UHRF1: variants seen among roughly 807,000 people sequenced by gnomAD.
UHRF1 encodes E3 ubiquitin-protein ligase UHRF1.
In UHRF1, 9 loss-of-function variants were observed where a neutral mutation model predicts 96.5. The observed-to-expected ratio is 0.09, with a 90% CI of 0.06 to 0.16. The LOEUF (loss-of-function observed/expected upper bound fraction) is 0.16, where lower values mean the gene tolerates loss of function less well. Among genes scored for constraint, UHRF1 ranks in the 10% least tolerant of loss-of-function variants. UHRF1 has a pLI of 1.00. For synonymous variants in UHRF1, 455 were observed against 469.9 expected (o/e 0.97, Z 0.41); for missense variants, 626 against 1,131.1 (o/e 0.55, Z 6.40).
At chr19:4,931,348 C>T (rs2033046644) in intron 4 of UHRF1, among the ~76,000 whole-genome samples, 1 of 152,264 alleles carries the variant, frequency 6.6e-6, no homozygotes, top group South Asian at 2.1e-4. Context: ...GGTTGACTTG[C>T]TCACTGCAAC....
intron 2 of UHRF1, 105 bp from the exon 3 acceptor site, chr19:4,929,117 C>CA (rs1357677552): frequency 2.3e-5 from 33 of 1,454,354 alleles, no homozygotes; most frequent in Non-Finnish European, 2.9e-5. Flanking sequence ...AGATTGCCCC[C>CA]CCCCCACAAG....
chr19:4,926,415 GA>G, intron 2 of UHRF1, among the ~76,000 whole-genome samples: 1 of 152,374 alleles, frequency 6.6e-6, no homozygotes, highest in Middle Eastern at 3.4e-3. Context: ...TTCTAGCTGG[GA>G]GAACAGAGGG....
In UHRF1 at chr19:4,954,463, G is replaced by C; in HGVS notation, c.1932G>C (p.Lys644Asn). 3 of 1,610,540 alleles carry C rather than the reference G, an allele frequency of 1.9e-6. No individual in the cohort carries two copies. The highest frequency in any genetic ancestry group is 2.5e-6 in the Non-Finnish European group (3 of 1,177,282). Residue 644 changes from lysine (K) to asparagine (N), a missense_variant, in exon 14 of 17, where the codon AAG (lysine) becomes AAC (asparagine). Lys to Asn is a moderately conservative substitution (Grantham distance 94). Around this residue, in one of 11 missense-constraint regions of UHRF1, gnomAD observed 90 missense variants for 94.7 expected, o/e 0.95. Coordinates refer to ENST00000650932, the MANE Select transcript of UHRF1 (RefSeq NM_001048201.3). The surrounding 1 kb of genome is among the most constrained non-coding windows in gnomAD (Gnocchi z 5.9). ...GCTTCGCGTCCCCCAGGACGGGCAA[G>C]GGCAAGTGGAAGCGGAAGTCGGCAG... ...EGGFASPRTGKGKWKRKSAGG... is the reference protein window; with the variant it reads ...EGGFASPRTGNGKWKRKSAGG...
chr19:4,948,685 C>T (rs2033636952), intron 11 of UHRF1, among the ~76,000 whole-genome samples: 1 of 151,926 alleles, frequency 6.6e-6, no homozygotes, highest in African/African-American at 2.4e-5. Flanking sequence ...ACCTGTAATC[C>T]CAGCTACTTG....
intron 2 of UHRF1, among the ~76,000 whole-genome samples, chr19:4,928,660 G>A (rs1431958368): frequency 1.3e-5 from 2 of 152,186 alleles, no homozygotes; most frequent in Non-Finnish European, 2.9e-5. Flanking sequence ...TGTGCCTCTT[G>A]CTGTTCAGGT....
At chr19:4,944,592 C>A in intron 9 of UHRF1, 142 bp downstream of exon 9, 2 of 883,628 alleles carry the variant, frequency 2.3e-6, no homozygotes, top group Non-Finnish European at 3.5e-6. Context: ...TGTGGAAAGC[C>A]TGCAGGTTTG....
intron 5 of UHRF1, among the ~76,000 whole-genome samples, chr19:4,938,505 G>A (rs2033281382): frequency 1.3e-5 from 2 of 151,820 alleles, no homozygotes; most frequent in South Asian, 4.2e-4. Flanking sequence ...TATTTGTACA[G>A]CAAGAATAAG....
chr19:4,927,583 G>A (rs2032914554), intron 2 of UHRF1, among the ~76,000 whole-genome samples: 1 of 152,018 alleles, frequency 6.6e-6, no homozygotes. Flanking sequence ...GACATTCTAT[G>A]TATGTCTCTC....
intron 13 of UHRF1, among the ~76,000 whole-genome samples, chr19:4,953,159 T>C (rs923387256): frequency 1.3e-5 from 2 of 152,172 alleles, no homozygotes; most frequent in Non-Finnish European, 2.9e-5. Flanking sequence ...TAGTCTCCTC[T>C]TGTTCGTAGT....
At chr19:4,905,760 G>A (rs574399368), upstream of UHRF1, among the ~76,000 whole-genome samples, 2 of 151,878 alleles carry the variant, frequency 1.3e-5, no homozygotes, top group Non-Finnish European at 2.9e-5. Context: ...TCAGTGATCC[G>A]CCTGCCTTGG....
At chr19:4,943,329 G>A (rs1339631131) in intron 7 of UHRF1, among the ~76,000 whole-genome samples, 6 of 152,232 alleles carry the variant, frequency 3.9e-5, no homozygotes, top group African/African-American at 1.4e-4. Flanking sequence ...CAGAGTGCAG[G>A]GGGCTTCACA....
chr19:4,934,358 T>C (rs941481723), intron 5 of UHRF1, among the ~76,000 whole-genome samples: 1 of 152,176 alleles, frequency 6.6e-6, no homozygotes, highest in Admixed American at 6.5e-5. Context: ...GGAACCATGT[T>C]TAAGCGCACA....
At chr19:4,955,904 C>T (rs992715737) in intron 15 of UHRF1, among the ~76,000 whole-genome samples, 4 of 152,064 alleles carry the variant, frequency 2.6e-5, no homozygotes, top group African/African-American at 7.2e-5. Flanking sequence ...TCCCAGGCCA[C>T]GCCTATGTTT....
At chr19:4,918,232 G>C (rs555816372) in intron 2 of UHRF1, among the ~76,000 whole-genome samples, 3 of 151,624 alleles carry the variant, frequency 2.0e-5, no homozygotes, top group Admixed American at 6.6e-5. Context: ...TGATTCTCCT[G>C]CCTCAGCCTC....
chr19:4,912,921 G>A (rs1481353451), intron 2 of UHRF1, among the ~76,000 whole-genome samples: 1 of 151,988 alleles, frequency 6.6e-6, no homozygotes, highest in Non-Finnish European at 1.5e-5. Flanking sequence ...CACCATGCCT[G>A]GCTAGTTTTT....
intron 1 of UHRF1, chr19:4,903,791 C>T (rs1239908612): frequency 6.6e-6 from 1 of 152,228 alleles, no homozygotes; most frequent in African/African-American, 2.4e-5. Context: ...TTGTGAGCCA[C>T]TGTGCCCAGG....
At chr19:4,928,697 T>C (rs1280813858) in intron 2 of UHRF1, among the ~76,000 whole-genome samples, 1 of 152,198 alleles carries the variant, frequency 6.6e-6, no homozygotes, top group Non-Finnish European at 1.5e-5. Context: ...GTCTCGACAC[T>C]GGACAGTGGG....
chr19:4,907,195 C>G (rs780887429), upstream of UHRF1, among the ~76,000 whole-genome samples: 2 of 152,076 alleles, frequency 1.3e-5, no homozygotes, highest in Admixed American at 1.3e-4. Flanking sequence ...CTGCAACCTC[C>G]GTCTCCTGGG....
chr19:4,940,359 A>ATTTTTTTTTTTT (rs543779456), intron 5 of UHRF1, among the ~76,000 whole-genome samples: 6 of 67,064 alleles, frequency 8.9e-5, no homozygotes, highest in East Asian at 6.0e-4. Flanking sequence ...TGCCTTTATG[A>ATTTTTTTTTTTT]TTTTTTTTTT....
Sources: gnomAD v4.1 joint callset for allele counts (sites outside exome capture counted in the v4.1 genomes callset) on GRCh38, gnomAD v4.1.1 for gene constraint, gnomAD v4.1.1 regional missense constraint, Gnocchi (gnomAD v3.1) non-coding constraint, MANE v1.5 for transcripts, NCBI Gene and HGNC (gene_info 2026-07-23, HGNC 2026-07-21) for gene names.